Variants in PSPC1 observed in about 807,000 individuals in gnomAD.
The protein encoded by PSPC1 is paraspeckle component 1.
PSPC1 carries 14 observed loss-of-function variants against 51.6 expected under a neutral mutation model. That is an observed-to-expected ratio of 0.27 (90% CI 0.18 to 0.42). The LOEUF is 0.42. PSPC1 is among the 10% of genes least tolerant of loss of function. The pLI, the probability that PSPC1 is intolerant of heterozygous loss-of-function variation, is 1.00. For synonymous variants in PSPC1, 193 were observed against 231.9 expected, an observed-to-expected ratio of 0.83 and a Z score of 1.53; for missense variants, 406 against 701.1, an observed-to-expected ratio of 0.58 and a Z score of 4.75.
intron 4 of PSPC1, among the ~76,000 whole-genome samples, chr13:19,744,144 T>G (rs1885712725): frequency 6.6e-6 from 1 of 152,056 alleles, no homozygotes; most frequent in South Asian, 2.1e-4. Flanking sequence ...CTTTTTTGTT[T>G]TTTCTCTCAG....
At chr13:19,697,422 A>G (rs1291915887) in intron 6 of PSPC1, among the ~76,000 whole-genome samples, 1 of 152,182 alleles carries the variant, frequency 6.6e-6, no homozygotes, top group Non-Finnish European at 1.5e-5. Context: ...ACTAACCAAT[A>G]CACAGTAGGT....
chr13:19,755,588 CAAA>C (rs1043280221), intron 3 of PSPC1, among the ~76,000 whole-genome samples: 1 of 113,838 alleles, frequency 8.8e-6, no homozygotes. Flanking sequence ...AACTCCATCT[CAAA>C]AAAAAAAAAA....
At chr13:19,677,604 C>A (rs1876812816) in intron 7 of PSPC1, 1 of 362,372 alleles carries the variant, frequency 2.8e-6, no homozygotes, top group Admixed American at 4.0e-5. Flanking sequence ...AACACTGGGA[C>A]CATTACATAT....
chr13:19,739,682 A>AC (rs1251614372), intron 5 of PSPC1, among the ~76,000 whole-genome samples: 1 of 152,050 alleles, frequency 6.6e-6, no homozygotes, highest in Admixed American at 6.6e-5. Flanking sequence ...GGCAGAGGTT[A>AC]CAGTGAGCCA....
intron 5 of PSPC1, among the ~76,000 whole-genome samples, chr13:19,733,725 T>C (rs1884416188): frequency 6.6e-6 from 1 of 151,162 alleles, no homozygotes; most frequent in South Asian, 2.1e-4. Context: ...ATCATGCCAC[T>C]GCACTGCAGC....
chr13:19,713,575 C>T (rs1205230230), intron 6 of PSPC1, among the ~76,000 whole-genome samples: 1 of 131,134 alleles, frequency 7.6e-6, no homozygotes, highest in African/African-American at 2.8e-5. Flanking sequence ...AGAATTCCAA[C>T]AGTCGAAGCC....
At chr13:19,711,580 G>C (rs770208077) in intron 6 of PSPC1, among the ~76,000 whole-genome samples, 4 of 148,034 alleles carry the variant, frequency 2.7e-5, no homozygotes, top group Non-Finnish European at 4.5e-5. Context: ...AGAGGTTGCA[G>C]TGAGCCGAGA....
In PSPC1 at chr13:19,708,894, G is replaced by T. The variant is rs183904845; in HGVS notation, c.1216+648C>A. Among the ~76,000 whole-genome samples the T allele has an allele frequency of 4.6e-3, 694 of 152,274 alleles. 5 individuals are homozygous for T. Among genetic ancestry groups the T allele is most frequent in the South Asian group, 0.027 (128 of 4,824 alleles). ...AGTGTTCAATTAGGACAGGCGAGGT[G>T]GCTCATGCCTGGAATATCAGCACTT... is the stretch of plus-strand genomic sequence containing the variant. On this transcript the variant is annotated intron_variant, in intron 7 of 8. Coordinates refer to ENST00000338910, the MANE Select transcript of PSPC1 (RefSeq NM_001354909.2).
At chr13:19,709,970 G>A (rs1337795077) in intron 6 of PSPC1, among the ~76,000 whole-genome samples, 1 of 152,014 alleles carries the variant, frequency 6.6e-6, no homozygotes, top group African/African-American at 2.4e-5. Context: ...TCTCCTCCCA[G>A]GTCACTGAAG....
At chr13:19,692,411 C>T (rs1429628088) in intron 6 of PSPC1, among the ~76,000 whole-genome samples, 1 of 152,120 alleles carries the variant, frequency 6.6e-6, no homozygotes, top group African/African-American at 2.4e-5. Flanking sequence ...CTGCGCCCAC[C>T]CGGCCAAGTC....
intron 6 of PSPC1, among the ~76,000 whole-genome samples, chr13:19,684,994 C>T (rs1877704105): frequency 6.6e-6 from 1 of 152,196 alleles, no homozygotes; most frequent in African/African-American, 2.4e-5. Context: ...ATATCTGTCA[C>T]ATTTTGTAAA....
rs1593609591 is a variant in PSPC1 at position 19,718,104 on chromosome 13, C to T, written c.1159-8505G>A. ...AAAATATACGTTTCTATTGATACAA[C>T]TCAATAGCATGTAAACTTTCCAACC... On this transcript the variant is annotated intron_variant, in intron 6 of 8. Transcript: ENST00000338910. Among the ~76,000 whole-genome samples, 4 of 152,242 alleles carry T rather than the reference C, an allele frequency of 2.6e-5. No homozygotes were observed. In the East Asian group the frequency reaches 7.7e-4, roughly 29 times the overall value.
chr13:19,675,662 G>C (rs1015953916), intron 7 of PSPC1: 7 of 152,296 alleles, frequency 4.6e-5, no homozygotes, highest in African/African-American at 1.4e-4. Context: ...ACCTGGAAAA[G>C]AGACAGAGTC....
intron 2 of PSPC1, among the ~76,000 whole-genome samples, chr13:19,765,844 T>C (rs1888019405): frequency 2.6e-5 from 4 of 152,176 alleles, no homozygotes; most frequent in Admixed American, 2.6e-4. Context: ...TTTATACTTA[T>C]CAGCAGGTTT....
intron 1 of PSPC1, among the ~76,000 whole-genome samples, chr13:19,780,175 G>C (rs1159737625): frequency 2.0e-5 from 2 of 99,596 alleles, no homozygotes; most frequent in African/African-American, 3.3e-5. Context: ...CGCCCCGTCC[G>C]GGAGGGAGGT....
intron 5 of PSPC1, among the ~76,000 whole-genome samples, chr13:19,736,400 C>T (rs1355674975): frequency 6.6e-6 from 1 of 152,082 alleles, no homozygotes; most frequent in Non-Finnish European, 1.5e-5. Context: ...ATTACATCTT[C>T]AGGCCACGCA....
chr13:19,777,273 T>C (rs1397869652), intron 1 of PSPC1, among the ~76,000 whole-genome samples: 1 of 149,782 alleles, frequency 6.7e-6, no homozygotes, highest in Non-Finnish European at 1.5e-5. Flanking sequence ...CTACTAAAAA[T>C]ACAAAAATTA....
At chr13:19,749,051 A>G (rs1362993637) in intron 4 of PSPC1, among the ~76,000 whole-genome samples, 1 of 151,666 alleles carries the variant, frequency 6.6e-6, no homozygotes, top group African/African-American at 2.4e-5. Context: ...CTCTACTAAA[A>G]ATACAAAAAA....
At chr13:19,766,093 C>A (rs972613667) in intron 2 of PSPC1, among the ~76,000 whole-genome samples, 1 of 152,202 alleles carries the variant, frequency 6.6e-6, no homozygotes, top group Non-Finnish European at 1.5e-5. Flanking sequence ...AAGCCTGCAG[C>A]TGGGCGCAGT....
Sources: allele counts gnomAD v4.1 joint callset (sites outside exome capture counted in the v4.1 genomes callset), GRCh38; gene constraint gnomAD v4.1.1; transcripts MANE v1.5; gene names NCBI Gene and HGNC (gene_info 2026-07-23, HGNC 2026-07-21).